TMEM108: variants seen among roughly 807,000 people sequenced by gnomAD.
The protein encoded by TMEM108 is cancer/testis antigen 124.
Under a neutral mutation model 35.1 loss-of-function variants are expected in TMEM108, and 12 were observed. The ratio of observed to expected loss-of-function variants is 0.34; its 90% CI spans 0.22 to 0.55. The LOEUF (loss-of-function observed/expected upper bound fraction) is 0.55, where lower values mean the gene tolerates loss of function less well. Among genes scored for constraint, TMEM108 ranks in the 20% least tolerant of loss-of-function variants. The pLI is 0.89. For synonymous variants in TMEM108, 287 were observed against 308.6 expected (o/e 0.93, Z 0.73); for missense variants, 680 against 753.3 (o/e 0.90, Z 1.14).
chr3:133,342,744 CT>C (rs1291449074), intron 3 of TMEM108, among the ~76,000 whole-genome samples: 1 of 150,462 alleles, frequency 6.6e-6, no homozygotes, highest in Non-Finnish European at 1.5e-5. Flanking sequence ...ATTGTGATTA[CT>C]GGAGCCTGAG....
chr3:133,149,570 C>T (rs920410606), intron 2 of TMEM108, among the ~76,000 whole-genome samples: 1 of 152,182 alleles, frequency 6.6e-6, no homozygotes, highest in African/African-American at 2.4e-5. Flanking sequence ...GCTTTAGACT[C>T]CACATGTAAG....
intron 2 of TMEM108, among the ~76,000 whole-genome samples, chr3:133,051,001 A>G (rs1450813226): frequency 6.7e-6 from 1 of 149,688 alleles, no homozygotes; most frequent in Admixed American, 6.7e-5. Flanking sequence ...TTGTGGACAT[A>G]AATTTTTAAC....
At chr3:133,366,008 C>T (rs1318462719) in intron 3 of TMEM108, among the ~76,000 whole-genome samples, 1 of 152,140 alleles carries the variant, frequency 6.6e-6, no homozygotes, top group Non-Finnish European at 1.5e-5. Context: ...CAGTAATAGA[C>T]TTAGTTGTGC....
chr3:133,064,492 G>T (rs1442480523), intron 2 of TMEM108, among the ~76,000 whole-genome samples: 1 of 152,068 alleles, frequency 6.6e-6, no homozygotes, highest in Non-Finnish European at 1.5e-5. Flanking sequence ...TTTGCCAAAA[G>T]GACTTAATTT....
intron 3 of TMEM108, among the ~76,000 whole-genome samples, chr3:133,286,220 A>G (rs1180304102): frequency 2.0e-5 from 3 of 152,260 alleles, no homozygotes; most frequent in Admixed American, 2.0e-4. Flanking sequence ...ATGTAAAGTG[A>G]TAAAACTCTC....
intron 4 of TMEM108, chr3:133,388,148 C>T: frequency 1.0e-6 from 1 of 985,528 alleles, no homozygotes; most frequent in Non-Finnish European, 1.2e-6. Context: ...GAGGAAACAG[C>T]ACTTTTCCCA....
chr3:133,081,641 C>T (rs1943812188), intron 2 of TMEM108, among the ~76,000 whole-genome samples: 1 of 152,206 alleles, frequency 6.6e-6, no homozygotes, highest in South Asian at 2.1e-4. Context: ...AACTCTGACT[C>T]TTATTTAATG....
chr3:133,154,582 A>G (rs1391326604), intron 2 of TMEM108, among the ~76,000 whole-genome samples: 1 of 152,118 alleles, frequency 6.6e-6, no homozygotes, highest in East Asian at 1.9e-4. Context: ...GAAGCTGGAA[A>G]CCATCATTCT....
intron 3 of TMEM108, among the ~76,000 whole-genome samples, chr3:133,366,856 T>C (rs1293705400): frequency 6.6e-6 from 1 of 152,154 alleles, no homozygotes; most frequent in Non-Finnish European, 1.5e-5. Flanking sequence ...ACTTCAGTAG[T>C]GATGGTACCA....
chr3:133,366,448 T>C (rs989848700), intron 3 of TMEM108, among the ~76,000 whole-genome samples: 5 of 152,238 alleles, frequency 3.3e-5, no homozygotes, highest in African/African-American at 1.2e-4. Context: ...CAGCTTTCCC[T>C]TCTTCCAGGA....
At chr3:133,064,086 G>A (rs972349937) in intron 2 of TMEM108, among the ~76,000 whole-genome samples, 9 of 152,140 alleles carry the variant, frequency 5.9e-5, no homozygotes, top group African/African-American at 2.2e-4. Context: ...AAGCGGTAAT[G>A]TCTGCCAGTC....
chr3:133,242,370 A>C (rs1217476105), intron 3 of TMEM108, among the ~76,000 whole-genome samples: 1 of 152,184 alleles, frequency 6.6e-6, no homozygotes, highest in Non-Finnish European at 1.5e-5. Flanking sequence ...ACAGGCCAAG[A>C]AGTAAGTAGA....
intron 3 of TMEM108, among the ~76,000 whole-genome samples, chr3:133,284,796 T>G (rs187854998): frequency 6.6e-6 from 1 of 152,222 alleles, no homozygotes; most frequent in East Asian, 1.9e-4. Flanking sequence ...TCTACAACCC[T>G]CCTTCTCAAC....
At chr3:133,072,643 A>C (rs1456521178) in intron 2 of TMEM108, among the ~76,000 whole-genome samples, 1 of 152,168 alleles carries the variant, frequency 6.6e-6, no homozygotes, top group Non-Finnish European at 1.5e-5. Context: ...TCTTTTTAAA[A>C]TAACAGCTTT....
At chr3:133,090,151 T>TGA (rs985452086) in intron 2 of TMEM108, among the ~76,000 whole-genome samples, 1 of 152,198 alleles carries the variant, frequency 6.6e-6, no homozygotes, top group Admixed American at 6.5e-5. Flanking sequence ...AATCATTACC[T>TGA]GAGAGAGAGA....
chr3:133,324,503 TA>T (rs2071305771), intron 3 of TMEM108, among the ~76,000 whole-genome samples: 8 of 152,098 alleles, frequency 5.3e-5, no homozygotes, highest in Admixed American at 4.6e-4. Flanking sequence ...GGCTATAATT[TA>T]AAAAATCAAT....
intron 3 of TMEM108, among the ~76,000 whole-genome samples, chr3:133,245,927 T>TA (rs1308746800): frequency 5.3e-5 from 8 of 150,968 alleles, no homozygotes; most frequent in Admixed American, 2.6e-4. Context: ...ATATAATCAA[T>TA]AAAAAAATCT....
chr3:133,141,213 G>T (rs1418818761), intron 2 of TMEM108, among the ~76,000 whole-genome samples: 3 of 152,196 alleles, frequency 2.0e-5, no homozygotes, highest in Non-Finnish European at 4.4e-5. Context: ...TATGGTGCCA[G>T]CAGGGCCATT....
chr3:133,134,480 C>G (rs1323341360), intron 2 of TMEM108, among the ~76,000 whole-genome samples: 1 of 152,134 alleles, frequency 6.6e-6, no homozygotes, highest in African/African-American at 2.4e-5. Flanking sequence ...TATTTGGTCA[C>G]TGCCCTCAGT....
Sources: gnomAD v4.1 joint callset for allele counts (sites outside exome capture counted in the v4.1 genomes callset) on GRCh38, gnomAD v4.1.1 for gene constraint, MANE v1.5 for transcripts, NCBI Gene and HGNC (gene_info 2026-07-23, HGNC 2026-07-21) for gene names.